The following TMEM74 variants were observed in gnomAD, a reference collection of about 807,000 sequenced individuals.
The protein encoded by TMEM74 is transmembrane protein 74.
In TMEM74, 13 loss-of-function variants were observed where a neutral mutation model predicts 18.1. The observed-to-expected ratio is 0.72, with a 90% CI of 0.47 to 1.14. TMEM74 has a LOEUF of 1.14. TMEM74 is among the 50% of genes most tolerant of loss of function. The probability of loss-of-function intolerance (pLI) is 0.00; values close to 1 mark genes in which losing one functional copy is unlikely to be tolerated. For missense variants in TMEM74, 372 were observed against 375.9 expected (o/e 0.99, Z 0.09); for synonymous variants, 159 against 146.6 (o/e 1.08, Z -0.61).
intron 1 of TMEM74, among the ~76,000 whole-genome samples, chr8:108,748,027 C>A (rs1303822333): frequency 6.6e-6 from 1 of 152,034 alleles, no homozygotes; most frequent in Non-Finnish European, 1.5e-5. Context: ...TGAACATATG[C>A]ATGCATCTGT....
intron 1 of TMEM74, among the ~76,000 whole-genome samples, chr8:108,682,816 C>A (rs969596658): frequency 1.3e-5 from 2 of 151,902 alleles, no homozygotes; most frequent in Non-Finnish European, 2.9e-5. Flanking sequence ...CACTATGGAC[C>A]AACTCCTGCT....
chr8:108,607,720 G>A (rs184700759), exon 4 of TMEM74: 20 of 152,174 alleles, frequency 1.3e-4, no homozygotes, highest in African/African-American at 4.8e-4. Flanking sequence ...TCACTTTCAG[G>A]TGGCATCAAT....
At chr8:108,645,487 T>C (rs1197039596) in intron 2 of TMEM74, among the ~76,000 whole-genome samples, 1 of 152,130 alleles carries the variant, frequency 6.6e-6, no homozygotes, top group Non-Finnish European at 1.5e-5. Flanking sequence ...TATTGAGATC[T>C]AGCAGAAAGA....
At position 108,784,364 on chromosome 8, in the gene TMEM74, G is replaced by A. The variant is rs368244301; in HGVS notation, c.735C>T (p.Ile245=). 108 of 1,613,930 alleles carry A rather than the reference G, an allele frequency of 6.7e-5. No homozygotes were observed. The highest frequency in any genetic ancestry group is 8.5e-5 in the Non-Finnish European group (100 of 1,180,044). Residue 245 remains isoleucine (I), a synonymous_variant, in exon 2 of 2, where the codon ATC becomes ATT. Transcript: ENST00000297459. ...TGGACATCATTAACAAGCAGGACAGGATGACGCCCCCCAGCGTGAGGAGGC... is the reference window on the plus strand; with the variant it reads ...TGGACATCATTAACAAGCAGGACAGAATGACGCCCCCCAGCGTGAGGAGGC... ...GLCLLTLGGV[I]LSCLLMMSMW...
intron 1 of TMEM74, among the ~76,000 whole-genome samples, chr8:108,760,860 A>T (rs1417848180): frequency 6.6e-6 from 1 of 151,774 alleles, no homozygotes; most frequent in African/African-American, 2.4e-5. Context: ...GGGAAAAGAG[A>T]TGATTTGTTT....
At chr8:108,767,133 G>A (rs1000719729) in intron 1 of TMEM74, among the ~76,000 whole-genome samples, 1 of 152,122 alleles carries the variant, frequency 6.6e-6, no homozygotes, top group African/African-American at 2.4e-5. Context: ...CGGTCAAGTT[G>A]ACACTCAATA....
chr8:108,613,774 A>C (rs922055537), intron 2 of TMEM74, among the ~76,000 whole-genome samples: 1 of 152,208 alleles, frequency 6.6e-6, no homozygotes, highest in Non-Finnish European at 1.5e-5. Context: ...CACATTCCCC[A>C]GGGCTCTAGA....
At chr8:108,663,985 G>A (rs1812925630) in intron 1 of TMEM74, among the ~76,000 whole-genome samples, 1 of 152,050 alleles carries the variant, frequency 6.6e-6, no homozygotes, top group Non-Finnish European at 1.5e-5. Flanking sequence ...GGAGAGCATT[G>A]GGAAGAATAG....
At chr8:108,693,755 C>A (rs1813252893) in intron 1 of TMEM74, among the ~76,000 whole-genome samples, 1 of 152,166 alleles carries the variant, frequency 6.6e-6, no homozygotes, top group African/African-American at 2.4e-5. Flanking sequence ...ATGTGCATGT[C>A]AAGAAGTCAA....
rs1814320731 is a variant in TMEM74, at chr8:108,782,549, AATCT to A, written c.*1628_*1631del. Among the ~76,000 whole-genome samples the A allele has an allele frequency of 6.6e-6, 1 of 152,138 alleles. No individual in the cohort carries two copies. Among genetic ancestry groups the A allele is most frequent in the South Asian group, 2.1e-4 (1 of 4,828 alleles). On this transcript the variant is annotated 3_prime_UTR_variant, in exon 2 of 2. Coordinates refer to ENST00000297459, the MANE Select transcript of TMEM74 (RefSeq NM_153015.3). ...TGCAGCATACCTCACTCATCAAATC[AATCT>A]GACACCCATGAGAGCTCATCCACAT...
intron 1 of TMEM74, among the ~76,000 whole-genome samples, chr8:108,690,403 C>T (rs73305848): frequency 0.021 from 3,104 of 151,402 alleles, 115 homozygotes; most frequent in African/African-American, 0.072. Flanking sequence ...TTTTTTAGTC[C>T]CCCAGTGTTC....
At chr8:108,649,906 G>A (rs190950465) in intron 2 of TMEM74, among the ~76,000 whole-genome samples, 1 of 152,184 alleles carries the variant, frequency 6.6e-6, no homozygotes. Flanking sequence ...AGATTATTTT[G>A]CCTCGGCTTT....
At chr8:108,641,121 C>G (rs1270423845) in intron 2 of TMEM74, among the ~76,000 whole-genome samples, 1 of 152,056 alleles carries the variant, frequency 6.6e-6, no homozygotes, top group Non-Finnish European at 1.5e-5. Flanking sequence ...TAATTCTCTA[C>G]TTTAAGAATG....
At chr8:108,697,856 C>T (rs560755114) in intron 1 of TMEM74, among the ~76,000 whole-genome samples, 10 of 152,148 alleles carry the variant, frequency 6.6e-5, no homozygotes, top group African/African-American at 2.2e-4. Flanking sequence ...TGATGTTACC[C>T]GTAGTCTCTT....
chr8:108,764,282 A>G (rs920430300), intron 1 of TMEM74, among the ~76,000 whole-genome samples: 1 of 152,224 alleles, frequency 6.6e-6, no homozygotes, highest in African/African-American at 2.4e-5. Context: ...GAGCTTTGAT[A>G]GAATTTCAAC....
chr8:108,767,203 T>G (rs1318816183), intron 1 of TMEM74, among the ~76,000 whole-genome samples: 1 of 152,174 alleles, frequency 6.6e-6, no homozygotes, highest in Non-Finnish European at 1.5e-5. Context: ...ATACACAGAA[T>G]GTCAAAAACC....
Position 108,784,974 on chromosome 8 carries a change from C to G in TMEM74, c.125G>C (p.Cys42Ser), listed in dbSNP as rs1413246534. 26 of 1,613,988 alleles carry G rather than the reference C, an allele frequency of 1.6e-5. No individual in the cohort carries two copies. The highest frequency in any genetic ancestry group is 2.2e-5 in the Non-Finnish European group (26 of 1,180,018). ...DTAATRAALC[C>S]QKQCASTPRA... ...TGGGGTGGATGCACACTGTTTCTGA[C>G]AGCAGAGAGCAGCTCTTGTGGCTGC... Residue 42 changes from cysteine to serine, a missense_variant, in exon 2 of 2, where the codon TGT becomes TCT. By Grantham distance (112) the Cys-to-Ser change is moderately radical. Coordinates refer to ENST00000297459, the MANE Select transcript of TMEM74 (RefSeq NM_153015.3).
At chr8:108,649,430 C>T (rs936482884) in intron 2 of TMEM74, among the ~76,000 whole-genome samples, 2 of 152,018 alleles carry the variant, frequency 1.3e-5, no homozygotes, top group African/African-American at 4.8e-5. Context: ...AACAATAACT[C>T]TTATTTATTG....
chr8:108,640,151 A>G (rs62512405), intron 2 of TMEM74, among the ~76,000 whole-genome samples: 5,670 of 114,250 alleles, frequency 0.05, 178 homozygotes, highest in East Asian at 0.14. Flanking sequence ...GGTGAGACGG[A>G]GTCCGGAGTC....
Sources: gnomAD v4.1 joint callset for allele counts (sites outside exome capture counted in the v4.1 genomes callset) on GRCh38, gnomAD v4.1.1 for gene constraint, MANE v1.5 for transcripts, NCBI Gene and HGNC (gene_info 2026-07-23, HGNC 2026-07-21) for gene names.